Variants in TSPAN15 observed in about 807,000 individuals in gnomAD.
TSPAN15 encodes the protein tetraspanin-15.
In TSPAN15, 20 loss-of-function variants were observed where a neutral mutation model predicts 34.5. That is an observed-to-expected ratio of 0.58 (90% CI 0.41 to 0.84). The LOEUF (loss-of-function observed/expected upper bound fraction) is 0.84. Ranked by LOEUF, TSPAN15 falls within the 40% of genes least tolerant of loss-of-function variation. The probability of loss-of-function intolerance (pLI) is 0.00; values close to 1 mark genes in which losing one functional copy is unlikely to be tolerated. For synonymous variants in TSPAN15, 155 were observed against 153.9 expected (o/e 1.01, Z -0.05); for missense variants, 313 against 386.1 (o/e 0.81, Z 1.59).
chr10:69,505,303 G>A (rs77993868), intron 6 of TSPAN15, among the ~76,000 whole-genome samples: 17,944 of 152,192 alleles, frequency 0.12, 1,123 homozygotes, highest in South Asian at 0.13. Flanking sequence ...CTTAGGCAGT[G>A]GGGGGTGCAG....
the TSPAN15 span, among the ~76,000 whole-genome samples, chr10:69,525,107 C>T: frequency 6.8e-6 from 1 of 146,624 alleles, no homozygotes; most frequent in East Asian, 2.6e-4. Context: ...TTAAAAGGGA[C>T]AAGCCTAGCT....
the TSPAN15 span, among the ~76,000 whole-genome samples, chr10:69,522,394 AAAAAAAG>A: frequency 6.9e-6 from 1 of 144,610 alleles, no homozygotes; most frequent in African/African-American, 2.5e-5. Flanking sequence ...AAAAAAAAAA[AAAAAAAG>A]AAGGTCAATT....
chr10:69,507,483 T>C lies in TSPAN15; in HGVS notation c.*505T>C, dbSNP rs150393680. 1.6e-4 allele frequency: 209 copies of C among 1,304,274 alleles called. No individual in the cohort carries two copies. The East Asian group carries it at 8.5e-3, about 53-fold the overall frequency. The allele number at this position is 1,304,274 out of a possible 1,614,324, so 80.8% of individuals were successfully genotyped here. A position where few individuals can be genotyped will look rare whatever the true frequency, so the allele number is the denominator to read the frequency against. On this transcript the variant is annotated 3_prime_UTR_variant, in exon 8 of 8. Transcript: ENST00000373290. ...AGCCTCCCAGGTGCCTTGAGCCCTC[T>C]TGCAAGGGCGGCTGCTTCCTTGAGC...
chr10:69,535,894 C>T, the TSPAN15 span, among the ~76,000 whole-genome samples: 2 of 152,188 alleles, frequency 1.3e-5, no homozygotes, highest in African/African-American at 4.8e-5. Flanking sequence ...GAGATTTTCT[C>T]CCAACTCTCT....
At chr10:69,462,155 G>GTTTTTTTTTTTTTTTTTTTTTTTTT (rs755068937) in intron 1 of TSPAN15, among the ~76,000 whole-genome samples, 1 of 82,704 alleles carries the variant, frequency 1.2e-5, no homozygotes, top group African/African-American at 4.5e-5. Context: ...TAATTTTAAA[G>GTTTTTTTTTTTTTTTTTTTTTTTTT]TTTTTTTTTT....
intron 3 of TSPAN15, among the ~76,000 whole-genome samples, chr10:69,488,142 C>T (rs1841893371): frequency 6.6e-6 from 1 of 152,124 alleles, no homozygotes; most frequent in African/African-American, 2.4e-5. Flanking sequence ...TGATTTTTCT[C>T]CTCCCCTTTA....
intron 6 of TSPAN15, among the ~76,000 whole-genome samples, chr10:69,505,153 C>T (rs1384138289): frequency 1.3e-5 from 2 of 152,190 alleles, no homozygotes; most frequent in African/African-American, 4.8e-5. Flanking sequence ...TGGTAATGTC[C>T]TATTTATTAT....
chr10:69,470,466 A>G (rs1255208382), intron 1 of TSPAN15, among the ~76,000 whole-genome samples: 1 of 152,116 alleles, frequency 6.6e-6, no homozygotes, highest in Non-Finnish European at 1.5e-5. Context: ...CTCAAAATAC[A>G]CTGCCTGCTT....
intron 5 of TSPAN15, among the ~76,000 whole-genome samples, chr10:69,499,331 T>A (rs1165230097): frequency 6.6e-6 from 1 of 152,130 alleles, no homozygotes; most frequent in Non-Finnish European, 1.5e-5. Flanking sequence ...CAGTGCCAAG[T>A]GCACTAGCTC....
chr10:69,482,904 T>C (rs1841766613), intron 1 of TSPAN15, among the ~76,000 whole-genome samples: 1 of 152,212 alleles, frequency 6.6e-6, no homozygotes, highest in Non-Finnish European at 1.5e-5. Context: ...GCTTAAACAA[T>C]AGACATTTAT....
At chr10:69,539,508 G>C in the TSPAN15 span, among the ~76,000 whole-genome samples, 2 of 90,374 alleles carry the variant, frequency 2.2e-5, no homozygotes, top group Non-Finnish European at 4.7e-5. Context: ...AGAAGAAGAA[G>C]AAGAAGAAGA....
the TSPAN15 span, among the ~76,000 whole-genome samples, chr10:69,539,183 G>C: frequency 6.6e-6 from 1 of 151,996 alleles, no homozygotes. Flanking sequence ...CTCATGTATA[G>C]GTGGGAGATA....
At chr10:69,539,425 GA>G in the TSPAN15 span, among the ~76,000 whole-genome samples, 292 of 116,200 alleles carry the variant, frequency 2.5e-3, 11 homozygotes, top group South Asian at 2.9e-3. Flanking sequence ...GGAAGAAGAA[GA>G]AAGAAGAAGA....
At chr10:69,474,829 G>T (rs1841582017) in intron 1 of TSPAN15, among the ~76,000 whole-genome samples, 1 of 152,136 alleles carries the variant, frequency 6.6e-6, no homozygotes, top group Non-Finnish European at 1.5e-5. Context: ...GATGCTGCTG[G>T]CAGTGGCCTG....
intron 1 of TSPAN15, among the ~76,000 whole-genome samples, chr10:69,458,912 A>G (rs1841176431): frequency 6.6e-6 from 1 of 152,132 alleles, no homozygotes; most frequent in Non-Finnish European, 1.5e-5. Flanking sequence ...GAGAAGCAGG[A>G]ATAACCACCT....
chr10:69,489,971 G>C (rs1234724587), intron 3 of TSPAN15, among the ~76,000 whole-genome samples: 1 of 152,206 alleles, frequency 6.6e-6, no homozygotes, highest in Non-Finnish European at 1.5e-5. Context: ...TCAGAGGTGG[G>C]CAGCTCCTCA....
the TSPAN15 span, among the ~76,000 whole-genome samples, chr10:69,547,324 A>T: frequency 6.6e-6 from 1 of 152,070 alleles, no homozygotes; most frequent in Non-Finnish European, 1.5e-5. Context: ...GTCTTTTCAT[A>T]TTTATTTATT....
At chr10:69,456,018 A>G (rs1200388424) in intron 1 of TSPAN15, among the ~76,000 whole-genome samples, 1 of 152,112 alleles carries the variant, frequency 6.6e-6, no homozygotes, top group Non-Finnish European at 1.5e-5. Flanking sequence ...TTTTGATGTT[A>G]TTAAATTGTC....
chr10:69,543,111 C>T, the TSPAN15 span, among the ~76,000 whole-genome samples: 1 of 152,182 alleles, frequency 6.6e-6, no homozygotes, highest in Non-Finnish European at 1.5e-5. Context: ...GCCTAGAAGG[C>T]CATGAGGAAG....
Sources: allele counts gnomAD v4.1 joint callset (sites outside exome capture counted in the v4.1 genomes callset), GRCh38; gene constraint gnomAD v4.1.1; transcripts MANE v1.5; gene names NCBI Gene and HGNC (gene_info 2026-07-23, HGNC 2026-07-21).